The following PARD3B variants were observed in gnomAD, a reference collection of about 807,000 sequenced individuals.
The protein encoded by PARD3B is par-3 family cell polarity regulator beta, also known as partitioning defective 3 homolog B.
A neutral mutation model predicts 130.2 loss-of-function variants in PARD3B; 103 were observed. The observed-to-expected ratio is 0.79, with a 90% confidence interval of 0.67 to 0.93. The LOEUF (loss-of-function observed/expected upper bound fraction) is 0.93, where lower values mean the gene tolerates loss of function less well. Ranked by LOEUF, PARD3B falls within the 40% of genes least tolerant of loss-of-function variation. The probability of loss-of-function intolerance (pLI) is 0.00; values close to 1 mark genes in which losing one functional copy is unlikely to be tolerated. For missense variants in PARD3B, 1,609 were observed against 1,499.2 expected (o/e 1.07, Z -1.21); for synonymous variants, 583 against 553.2 (o/e 1.05, Z -0.76).
At chr2:205,529,242 G>T (rs1017105905) in intron 21 of PARD3B, among the ~76,000 whole-genome samples, 12 of 152,166 alleles carry the variant, frequency 7.9e-5, no homozygotes, top group African/African-American at 2.9e-4. Context: ...ATGGTTAGAA[G>T]ATCCCACTTT....
chr2:204,882,498 T>C (rs2046093309), intron 2 of PARD3B, among the ~76,000 whole-genome samples: 1 of 152,188 alleles, frequency 6.6e-6, no homozygotes, highest in Non-Finnish European at 1.5e-5. Context: ...GCTTTATTTG[T>C]ATATTGCCTC....
chr2:204,717,760 G>A (rs1328056910), intron 2 of PARD3B, among the ~76,000 whole-genome samples: 1 of 152,146 alleles, frequency 6.6e-6, no homozygotes, highest in African/African-American at 2.4e-5. Flanking sequence ...TGGAGAGATG[G>A]CCAGGATGTG....
intron 15 of PARD3B, among the ~76,000 whole-genome samples, chr2:205,207,741 A>T (rs1281755687): frequency 4.1e-5 from 5 of 121,832 alleles, no homozygotes; most frequent in Admixed American, 4.0e-4. Context: ...TTACCAACCA[A>T]AAAGAGTCCA....
At chr2:204,663,709 G>T (rs575661622) in intron 1 of PARD3B, among the ~76,000 whole-genome samples, 30 of 152,232 alleles carry the variant, frequency 2.0e-4, no homozygotes, top group African/African-American at 7.2e-4. Flanking sequence ...ATATTTACCC[G>T]TAAGTGTTGT....
chr2:205,612,309 C>T (rs1031974538), intron 22 of PARD3B, among the ~76,000 whole-genome samples: 8 of 152,096 alleles, frequency 5.3e-5, no homozygotes, highest in African/African-American at 9.7e-5. Context: ...TGCACCACCA[C>T]GCCCAGCTAA....
At chr2:204,983,428 G>T (rs1369427823) in intron 3 of PARD3B, among the ~76,000 whole-genome samples, 1 of 151,454 alleles carries the variant, frequency 6.6e-6, no homozygotes, top group African/African-American at 2.4e-5. Flanking sequence ...AAGGGGGGAG[G>T]AGAGAAGTCA....
intron 2 of PARD3B, among the ~76,000 whole-genome samples, chr2:204,752,155 T>TAATGTGCTCATTTGCTAATGTGCTC (rs1364552131): frequency 3.3e-5 from 5 of 152,226 alleles, no homozygotes; most frequent in Admixed American, 6.5e-5. Flanking sequence ...GTGCTCATTT[T>TAATGTGCTCATTTGCTAATGTGCTC]ATATATTGAG....
intron 19 of PARD3B, among the ~76,000 whole-genome samples, chr2:205,420,680 A>G (rs906343778): frequency 6.6e-6 from 1 of 152,180 alleles, no homozygotes; most frequent in Non-Finnish European, 1.5e-5. Flanking sequence ...TTGAAAGTGA[A>G]TTGTTATTAT....
intron 3 of PARD3B, among the ~76,000 whole-genome samples, chr2:205,031,404 A>G (rs1000659943): frequency 6.6e-6 from 1 of 152,116 alleles, no homozygotes; most frequent in Non-Finnish European, 1.5e-5. Context: ...AGCACTGTGC[A>G]TTGGTTTGCT....
chr2:205,441,869 T>C (rs896777504), intron 20 of PARD3B, among the ~76,000 whole-genome samples: 2 of 152,200 alleles, frequency 1.3e-5, no homozygotes, highest in African/African-American at 4.8e-5. Context: ...TAAAGAAAGA[T>C]GGTGAAGTTT....
intron 2 of PARD3B, among the ~76,000 whole-genome samples, chr2:204,753,837 G>A (rs951602481): frequency 1.3e-5 from 2 of 152,084 alleles, no homozygotes; most frequent in Non-Finnish European, 2.9e-5. Context: ...AGGATTGCTT[G>A]AGCTCAGGAG....
chr2:205,079,257 A>G (rs1575722710), intron 4 of PARD3B, among the ~76,000 whole-genome samples: 2 of 152,214 alleles, frequency 1.3e-5, no homozygotes, highest in South Asian at 4.1e-4. Flanking sequence ...AGCTAATCCA[A>G]TGTTATTATT....
chr2:205,613,969 G>T (rs966957396), intron 22 of PARD3B, among the ~76,000 whole-genome samples: 11 of 152,302 alleles, frequency 7.2e-5, no homozygotes, highest in African/African-American at 2.2e-4. Flanking sequence ...CTAGCAGTGT[G>T]TCTGACATTG....
At chr2:204,820,284 T>A (rs191804821) in intron 2 of PARD3B, among the ~76,000 whole-genome samples, 444 of 151,570 alleles carry the variant, frequency 2.9e-3, no homozygotes, top group Non-Finnish European at 5.4e-3. Flanking sequence ...ACCATGTTTG[T>A]CAGGCTGGTC....
In PARD3B at chr2:205,615,600, A is replaced by C; in HGVS notation, c.3405A>C (p.Ala1135=). The change falls in exon 23 of 23, where the codon GCA becomes GCC. Residue 1135 remains alanine, a synonymous_variant. Coordinates refer to ENST00000406610, the MANE Select transcript of PARD3B (RefSeq NM_001302769.2). ...CCCGCCCCACAGAGCTCAGGGTGGCAGATCTCCGGTATCCTCAGCACTACC... is the reference window on the plus strand; with the variant it reads ...CCCGCCCCACAGAGCTCAGGGTGGCCGATCTCCGGTATCCTCAGCACTACC... The part of the protein sequence containing the change: ...SYPRPTELRV[A]DLRYPQHYPP... The C allele has an allele frequency of 6.2e-7, 1 of 1,614,054 alleles. No homozygotes were observed. The highest frequency in any genetic ancestry group is 1.3e-5 in the African/African-American group (1 of 75,028).
At chr2:205,604,151 C>G (rs997532452) in intron 22 of PARD3B, among the ~76,000 whole-genome samples, 1 of 152,158 alleles carries the variant, frequency 6.6e-6, no homozygotes, top group Non-Finnish European at 1.5e-5. Flanking sequence ...AAATTCTTTT[C>G]TTTTAGAATA....
chr2:204,947,105 A>G (rs531593893), intron 2 of PARD3B, among the ~76,000 whole-genome samples: 2 of 152,314 alleles, frequency 1.3e-5, no homozygotes, highest in East Asian at 3.9e-4. Flanking sequence ...ACACCCAGAA[A>G]TAAGGTTTAA....
At chr2:205,262,929 A>G (rs2040370428) in intron 16 of PARD3B, among the ~76,000 whole-genome samples, 1 of 152,094 alleles carries the variant, frequency 6.6e-6, no homozygotes, top group Admixed American at 6.6e-5. Context: ...AATTCATTTC[A>G]GAGTATATCA....
At chr2:205,243,408 G>A (rs2039442091) in intron 15 of PARD3B, among the ~76,000 whole-genome samples, 1 of 152,138 alleles carries the variant, frequency 6.6e-6, no homozygotes, top group African/African-American at 2.4e-5. Flanking sequence ...ATGAGACTGA[G>A]GCCACAGAAA....
Sources: gnomAD v4.1 joint callset for allele counts (sites outside exome capture counted in the v4.1 genomes callset) on GRCh38, gnomAD v4.1.1 for gene constraint, MANE v1.5 for transcripts, NCBI Gene and HGNC (gene_info 2026-07-23, HGNC 2026-07-21) for gene names.